CADPS: variants seen among roughly 807,000 people sequenced by gnomAD.
The protein encoded by CADPS is calcium-dependent secretion activator 1.
A neutral mutation model predicts 167.3 loss-of-function variants in CADPS; 57 were observed. The ratio of observed to expected loss-of-function variants is 0.34; its 90% confidence interval spans 0.28 to 0.42. The LOEUF is 0.42. Among genes scored for constraint, CADPS ranks in the 20% least tolerant of loss-of-function variants. The pLI, the probability that CADPS is intolerant of heterozygous loss-of-function variation, is 1.00. For missense variants in CADPS, 1,414 were observed against 1,738.1 expected (o/e 0.81, Z 3.32); for synonymous variants, 676 against 635.3 (o/e 1.06, Z -0.96).
At chr3:62,630,931 C>A (rs2065150079) in intron 6 of CADPS, among the ~76,000 whole-genome samples, 1 of 152,032 alleles carries the variant, frequency 6.6e-6, no homozygotes, top group African/African-American at 2.4e-5. Flanking sequence ...TTTTGAGTGT[C>A]CTCAAGGTTA....
intron 6 of CADPS, among the ~76,000 whole-genome samples, chr3:62,617,179 T>C (rs2062448541): frequency 6.6e-6 from 1 of 152,040 alleles, no homozygotes; most frequent in Admixed American, 6.6e-5. Flanking sequence ...AACTAAACAG[T>C]TTGGTATAGT....
Position 62,739,487 on chromosome 3 carries a change from T to C in CADPS, c.888+13954A>G, listed in dbSNP as rs777135095. On this transcript the variant is annotated intron_variant, in intron 3 of 29. Transcript: ENST00000383710. ...CTAACCCATACAGGTATTCTCACAA[T>C]AGTAAAATAAACACATCCCTTATAA... Among the ~76,000 whole-genome samples the C allele has an allele frequency of 2.0e-5, 3 of 152,230 alleles. No individual in the cohort carries two copies. In the South Asian group the frequency reaches 6.2e-4, roughly 32 times the overall value.
intron 6 of CADPS, among the ~76,000 whole-genome samples, chr3:62,636,284 G>A (rs2066284995): frequency 6.6e-6 from 1 of 152,168 alleles, no homozygotes; most frequent in African/African-American, 2.4e-5. Flanking sequence ...CAAAGTAGGG[G>A]TTGTATCACC....
chr3:62,470,748 A>G (rs559867265), intron 24 of CADPS: 108 of 152,352 alleles, frequency 7.1e-4, no homozygotes, highest in African/African-American at 2.5e-3. Context: ...GGCTTGGGAA[A>G]AAAACCAACA....
intron 4 of CADPS, among the ~76,000 whole-genome samples, chr3:62,654,016 T>C (rs1384868203): frequency 6.6e-6 from 1 of 152,216 alleles, no homozygotes; most frequent in Non-Finnish European, 1.5e-5. Context: ...GAGCTACTAA[T>C]GATTCATCAC....
At chr3:62,669,452 C>G (rs1310190518) in intron 3 of CADPS, among the ~76,000 whole-genome samples, 3 of 152,216 alleles carry the variant, frequency 2.0e-5, no homozygotes, top group Non-Finnish European at 4.4e-5. Flanking sequence ...TGCCACAAGA[C>G]TGCACTGGGG....
chr3:62,841,712 T>C (rs1236207914), intron 1 of CADPS, among the ~76,000 whole-genome samples: 1 of 152,138 alleles, frequency 6.6e-6, no homozygotes, highest in East Asian at 1.9e-4. Context: ...AAAATATGTA[T>C]TTCATATCAA....
At chr3:62,623,883 T>A (rs1219876554) in intron 6 of CADPS, among the ~76,000 whole-genome samples, 1 of 152,110 alleles carries the variant, frequency 6.6e-6, no homozygotes, top group Admixed American at 6.6e-5. Flanking sequence ...GATTCTCAAT[T>A]GGGGGTGATT....
chr3:62,852,642 C>T (rs2153111613), intron 1 of CADPS, among the ~76,000 whole-genome samples: 1 of 151,906 alleles, frequency 6.6e-6, no homozygotes, highest in South Asian at 2.1e-4. Flanking sequence ...CCCCAGTTTA[C>T]TCTGAATTTC....
intron 1 of CADPS, among the ~76,000 whole-genome samples, chr3:62,839,908 T>G (rs532360430): frequency 6.6e-6 from 1 of 152,242 alleles, no homozygotes; most frequent in South Asian, 2.1e-4. Flanking sequence ...GATCTCTAGC[T>G]TGGATGACCA....
intron 6 of CADPS, among the ~76,000 whole-genome samples, chr3:62,623,068 C>G (rs552376481): frequency 6.6e-6 from 1 of 152,104 alleles, no homozygotes; most frequent in Non-Finnish European, 1.5e-5. Context: ...TTTAAACAAA[C>G]TTTGATTCTG....
chr3:62,773,815 T>C (rs1406574072), intron 1 of CADPS, among the ~76,000 whole-genome samples: 1 of 152,190 alleles, frequency 6.6e-6, no homozygotes, highest in African/African-American at 2.4e-5. Context: ...TTCTTGCTCA[T>C]TTTTAAAAAA....
chr3:62,596,774 C>A (rs2059003599), intron 6 of CADPS, among the ~76,000 whole-genome samples: 2 of 152,142 alleles, frequency 1.3e-5, no homozygotes, highest in South Asian at 4.1e-4. Flanking sequence ...AGTAACTGAC[C>A]CTGTGTAAAG....
intron 1 of CADPS, 121 bp from the exon 2 acceptor site, chr3:62,766,105 CA>C (rs1255160552): frequency 2.0e-6 from 1 of 502,944 alleles, no homozygotes; most frequent in African/African-American, 1.9e-5. Context: ...AGGTGTGTGA[CA>C]GCTGATTAGT....
At chr3:62,479,584 C>T (rs1036003185) in intron 22 of CADPS, among the ~76,000 whole-genome samples, 1 of 152,268 alleles carries the variant, frequency 6.6e-6, no homozygotes, top group Non-Finnish European at 1.5e-5. Context: ...AGGGGGCACA[C>T]GCCCAAGCAT....
intron 1 of CADPS, among the ~76,000 whole-genome samples, chr3:62,820,755 C>G (rs1315131011): frequency 6.6e-6 from 1 of 151,314 alleles, no homozygotes; most frequent in Non-Finnish European, 1.5e-5. Context: ...CTCCTCTTTA[C>G]TAGACAATTC....
intron 1 of CADPS, among the ~76,000 whole-genome samples, chr3:62,851,985 T>G (rs1009247784): frequency 6.7e-6 from 1 of 149,520 alleles, no homozygotes; most frequent in Non-Finnish European, 1.5e-5. Context: ...TTTTTATTCT[T>G]TTTTCTCTAA....
intron 28 of CADPS, among the ~76,000 whole-genome samples, chr3:62,432,209 AT>A (rs2054128330): frequency 6.6e-6 from 1 of 152,122 alleles, no homozygotes; most frequent in Non-Finnish European, 1.5e-5. Flanking sequence ...GACTCATTGA[AT>A]TTTTAACTAC....
chr3:62,530,935 C>A, intron 13 of CADPS: 1 of 238,372 alleles, frequency 4.2e-6, no homozygotes. Context: ...AAAGCAGGCG[C>A]AAATGCATTC....
Sources: gnomAD v4.1 joint callset for allele counts (sites outside exome capture counted in the v4.1 genomes callset) on GRCh38, gnomAD v4.1.1 for gene constraint, MANE v1.5 for transcripts, NCBI Gene and HGNC (gene_info 2026-07-23, HGNC 2026-07-21) for gene names.